The following GRIK4 variants were observed in gnomAD, a reference collection of about 807,000 sequenced individuals.
GRIK4 encodes the protein glutamate ionotropic receptor kainate type subunit 4, also known as glutamate receptor ionotropic, kainate 4.
In GRIK4, 40 loss-of-function variants were observed where a neutral mutation model predicts 104.9. That is an observed-to-expected ratio of 0.38 (90% CI 0.30 to 0.50). The LOEUF is 0.50. Among genes scored for constraint, GRIK4 ranks in the 20% least tolerant of loss-of-function variants. The probability of loss-of-function intolerance (pLI) is 0.93; values close to 1 mark genes in which losing one functional copy is unlikely to be tolerated. For missense variants in GRIK4, 1,047 were observed against 1,308.1 expected, an observed-to-expected ratio of 0.80 and a Z score of 3.08; for synonymous variants, 485 against 524.9, an observed-to-expected ratio of 0.92 and a Z score of 1.04.
chr11:120,671,411 G>A (rs1224879157), intron 3 of GRIK4, among the ~76,000 whole-genome samples: 1 of 152,162 alleles, frequency 6.6e-6, no homozygotes, highest in Non-Finnish European at 1.5e-5. Context: ...GGCGTGAGAT[G>A]ATATCTCATT....
At position 120,725,901 on chromosome 11, in the gene GRIK4, G is replaced by C. The variant is rs1951020344; in HGVS notation, c.82+65501G>C. Among the ~76,000 whole-genome samples the C allele has an allele frequency of 3.9e-5, 6 of 152,202 alleles. No homozygotes were observed. The South Asian group carries it at 1.2e-3, about 32-fold the overall frequency. ...CACAAAGAGAATTCTAGTGATGGTG[G>C]TGGTGGGGGGTATACAGACAGACAA... On this transcript the variant is annotated intron_variant, in intron 3 of 20. Coordinates refer to ENST00000527524, the MANE Select transcript of GRIK4 (RefSeq NM_014619.5).
At chr11:120,863,370 A>G (rs142741549) in intron 9 of GRIK4, among the ~76,000 whole-genome samples, 1 of 152,366 alleles carries the variant, frequency 6.6e-6, no homozygotes, top group East Asian at 1.9e-4. Context: ...GCACTACACT[A>G]TACCATATAG....
intron 1 of GRIK4, among the ~76,000 whole-genome samples, chr11:120,614,985 C>G (rs1949090510): frequency 6.6e-6 from 1 of 152,158 alleles, no homozygotes; most frequent in South Asian, 2.1e-4. Context: ...GGCAACAAAG[C>G]AAGACTCAAT....
At chr11:120,787,016 A>C (rs1952293004) in intron 3 of GRIK4, among the ~76,000 whole-genome samples, 1 of 152,240 alleles carries the variant, frequency 6.6e-6, no homozygotes, top group South Asian at 2.1e-4. Flanking sequence ...TATTGACTAG[A>C]GATTAAAATC....
Position 120,511,768 on chromosome 11 carries a change from C to A in GRIK4, c.-278C>A. ...GACACAGACTGCCTTCAGCTGCGGGCGGATCGGGCTGGAGCCGCCACGGCT... is the reference window on the plus strand; with the variant it reads ...GACACAGACTGCCTTCAGCTGCGGGAGGATCGGGCTGGAGCCGCCACGGCT... On this transcript the variant is annotated 5_prime_UTR_variant, in exon 1 of 21. Transcript: ENST00000527524. The A allele has an allele frequency of 2.9e-6, 1 of 339,178 alleles. No homozygotes were observed. The highest frequency in any genetic ancestry group is 6.0e-6 in the Non-Finnish European group (1 of 167,012). The allele number at this position is 339,178 out of a possible 1,614,324, so 21.0% of individuals were successfully genotyped here. A position where few individuals can be genotyped will look rare whatever the true frequency, so the allele number is the denominator to read the frequency against.
Position 120,862,120 on chromosome 11 carries a change from G to A in GRIK4, c.906G>A (p.Ala302=), listed in dbSNP as rs775089007. 18 of 1,613,300 alleles carry A rather than the reference G, an allele frequency of 1.1e-5. No individual in the cohort carries two copies. Among genetic ancestry groups the A allele is most frequent in the Admixed American group, 5.0e-5 (3 of 60,018 alleles). ...ACCATGTGCCCTTCACTGGGCCTGC[G>A]GTAAGTACCCGCCAGAGCTCTTCCT... ...NCDHVPFTGP[A]LSSALLFDAV... The change falls in exon 9 of 21, where the codon GCG becomes GCA. Residue 302 remains alanine, a splice_region_variant and synonymous_variant. Coordinates refer to ENST00000527524, the MANE Select transcript of GRIK4 (RefSeq NM_014619.5).
At chr11:120,637,330 G>A (rs1403820474) in intron 1 of GRIK4, among the ~76,000 whole-genome samples, 1 of 152,090 alleles carries the variant, frequency 6.6e-6, no homozygotes, top group Non-Finnish European at 1.5e-5. Context: ...CAATGTCAGG[G>A]TGCCCTGGTG....
chr11:120,869,829 TA>T (rs1473323232), intron 9 of GRIK4: 3 of 152,312 alleles, frequency 2.0e-5, no homozygotes, highest in Non-Finnish European at 4.4e-5. Flanking sequence ...AGGGCCTTGG[TA>T]CCAGAGTACT....
chr11:120,604,362 C>T (rs1948930573), intron 1 of GRIK4, among the ~76,000 whole-genome samples: 1 of 152,058 alleles, frequency 6.6e-6, no homozygotes, highest in Admixed American at 6.5e-5. Flanking sequence ...TTTCCTATCT[C>T]AGGAAGGCAT....
intron 3 of GRIK4, among the ~76,000 whole-genome samples, chr11:120,773,631 AG>A (rs1256528678): frequency 6.6e-6 from 1 of 152,196 alleles, no homozygotes; most frequent in Non-Finnish European, 1.5e-5. Flanking sequence ...GAACTGTGTT[AG>A]GCGAGAGTTA....
rs372949528 is a variant in GRIK4 at position 120,610,550 on chromosome 11, G to A, written c.-158-43135G>A. ...TGTCCTGGGGCTGGCCCAGGCAGCC[G>A]GAGTGGAGGGTGGAGAGCACAGTGG... is the stretch of plus-strand genomic sequence containing the variant. On this transcript the variant is annotated intron_variant, in intron 1 of 20. Coordinates refer to ENST00000527524, the MANE Select transcript of GRIK4 (RefSeq NM_014619.5). Among the ~76,000 whole-genome samples the A allele has an allele frequency of 2.6e-5, 4 of 152,150 alleles. No homozygotes were observed. In the East Asian group the frequency reaches 5.8e-4, roughly 22 times the overall value.
chr11:120,640,234 A>G (rs1389744579), intron 1 of GRIK4, among the ~76,000 whole-genome samples: 2 of 152,222 alleles, frequency 1.3e-5, no homozygotes, highest in Non-Finnish European at 1.5e-5. Context: ...TCAGAATCAC[A>G]ATAGTAGTAA....
At chr11:120,897,874 C>T (rs1942629835) in intron 11 of GRIK4, among the ~76,000 whole-genome samples, 1 of 151,918 alleles carries the variant, frequency 6.6e-6, no homozygotes, top group Admixed American at 6.6e-5. Context: ...GATCTGCGTT[C>T]CTGGGTCTGG....
intron 3 of GRIK4, among the ~76,000 whole-genome samples, chr11:120,771,424 A>G (rs1276636274): frequency 1.3e-5 from 2 of 152,270 alleles, no homozygotes; most frequent in Admixed American, 6.5e-5. Flanking sequence ...GAAACTGGAT[A>G]TATGACTGAG....
At chr11:120,807,776 C>T (rs1952745627) in intron 4 of GRIK4, among the ~76,000 whole-genome samples, 1 of 152,242 alleles carries the variant, frequency 6.6e-6, no homozygotes. Context: ...TGGGCTCAGC[C>T]ATGCATTGAA....
In GRIK4 at chr11:120,965,812, T is replaced by G. The variant is rs532178955; in HGVS notation, c.2267-1383T>G. Among the ~76,000 whole-genome samples the G allele has an allele frequency of 2.0e-5, 3 of 152,304 alleles. No homozygotes were observed. The South Asian group carries it at 6.2e-4, about 32-fold the overall frequency. ...AGGCCTACTGAATCAGATTCTGCAGTTCAGCGAAATCCCCAGGTGATTGCA... is the reference window on the plus strand; with the variant it reads ...AGGCCTACTGAATCAGATTCTGCAGGTCAGCGAAATCCCCAGGTGATTGCA... On this transcript the variant is annotated intron_variant, in intron 18 of 20. Transcript: ENST00000527524.
At chr11:120,630,732 G>A (rs1450444406) in intron 1 of GRIK4, among the ~76,000 whole-genome samples, 1 of 152,002 alleles carries the variant, frequency 6.6e-6, no homozygotes, top group African/African-American at 2.4e-5. Flanking sequence ...TACTTTTTTT[G>A]TTCCTTTTGT....
rs544792716 is a variant in GRIK4 at position 120,651,377 on chromosome 11, C to T, written c.-158-2308C>T. Among the ~76,000 whole-genome samples, 172 of 152,252 alleles carry T rather than the reference C, an allele frequency of 1.1e-3. 1 individual carries two copies. The highest frequency in any genetic ancestry group is 3.9e-3 in the African/African-American group (163 of 41,542). ...GCATAGTGACAACTGGAATTGGAAG[C>T]CAGGGATGTCTTATCATGTCTCTGG... On this transcript the variant is annotated intron_variant, in intron 1 of 20. Coordinates refer to ENST00000527524, the MANE Select transcript of GRIK4 (RefSeq NM_014619.5).
At chr11:120,692,040 T>C (rs1950373489) in intron 3 of GRIK4, among the ~76,000 whole-genome samples, 1 of 152,224 alleles carries the variant, frequency 6.6e-6, no homozygotes. Flanking sequence ...CCTCTATGGG[T>C]GATGTCCCTT....
Sources: gnomAD v4.1 joint callset for allele counts (sites outside exome capture counted in the v4.1 genomes callset) on GRCh38, gnomAD v4.1.1 for gene constraint, MANE v1.5 for transcripts, NCBI Gene and HGNC (gene_info 2026-07-23, HGNC 2026-07-21) for gene names.